SLC61A1: variants seen among roughly 807,000 people sequenced by gnomAD.
SLC61A1 encodes the protein major facilitator superfamily domain containing 5.
At chr12:53,253,597 C>T in the SLC61A1 span, 3 of 1,613,784 alleles carry the variant, frequency 1.9e-6, no homozygotes, top group South Asian at 1.1e-5. Flanking sequence ...TGTTGGGCAC[C>T]ATACAAGCTC....
the SLC61A1 span, chr12:53,253,984 A>G: frequency 6.2e-7 from 1 of 1,614,094 alleles, no homozygotes; most frequent in Non-Finnish European, 8.5e-7. Context: ...GGTTCCGGGT[A>G]CCTCTGCACT....
At chr12:53,252,262 G>A in the SLC61A1 span, 6 of 1,401,702 alleles carry the variant, frequency 4.3e-6, no homozygotes, top group Middle Eastern at 2.6e-4. Flanking sequence ...GCAGACCGGG[G>A]CAGCAGGTGA....
At chr12:53,254,302 C>T in the SLC61A1 span, 2 of 1,332,846 alleles carry the variant, frequency 1.5e-6, no homozygotes, top group South Asian at 1.5e-5. Context: ...CCTGCCATTG[C>T]TTTGTGTTTG....
At chr12:53,251,354 T>A in the SLC61A1 span, 1 of 204,320 alleles carries the variant, frequency 4.9e-6, no homozygotes, top group Non-Finnish European at 1.0e-5. Context: ...TAGGCCATTA[T>A]AAATACTTCG....
chr12:53,252,428 C>T, the SLC61A1 span: 263 of 1,280,892 alleles, frequency 2.1e-4, 2 homozygotes, highest in South Asian at 5.7e-4. Flanking sequence ...GAGGGATGCC[C>T]GGGACAGAGG....
the SLC61A1 span, chr12:53,251,453 G>A: frequency 6.6e-6 from 3 of 453,872 alleles, no homozygotes; most frequent in Non-Finnish European, 7.8e-6. Context: ...TTTTTCCAAG[G>A]TAAAACAGCT....
At chr12:53,254,246 G>C in the SLC61A1 span, 2 of 1,558,826 alleles carry the variant, frequency 1.3e-6, no homozygotes, top group African/African-American at 1.4e-5. Flanking sequence ...ATCCGGGATT[G>C]TACAGATCTC....
the SLC61A1 span, chr12:53,251,212 TG>T: frequency 6.5e-6 from 1 of 153,224 alleles, no homozygotes; most frequent in African/African-American, 2.4e-5. Flanking sequence ...GGGAACCACG[TG>T]GATATCTTGG....
chr12:53,253,953 A>G, the SLC61A1 span: 1 of 1,614,196 alleles, frequency 6.2e-7, no homozygotes, highest in East Asian at 2.2e-5. Context: ...CCTGAGACAG[A>G]GCAGGCTGGT....
chr12:53,253,336 C>G, the SLC61A1 span: 2 of 1,614,268 alleles, frequency 1.2e-6, no homozygotes, highest in Non-Finnish European at 1.7e-6. Flanking sequence ...CTGAGTGGAT[C>G]CCAGCTACCT....
the SLC61A1 span, chr12:53,252,303 T>C: frequency 1.4e-6 from 2 of 1,381,480 alleles, no homozygotes; most frequent in Non-Finnish European, 1.9e-6. Context: ...CAAGTGGATG[T>C]GGCAGGGCTG....
At chr12:53,251,388 A>C in the SLC61A1 span, 1 of 237,358 alleles carries the variant, frequency 4.2e-6, no homozygotes, top group Non-Finnish European at 8.3e-6. Context: ...GTGAGATGGG[A>C]AGTCATTGGA....
chr12:53,251,538 CTTCT>C, the SLC61A1 span: 3 of 592,064 alleles, frequency 5.1e-6, no homozygotes, highest in Non-Finnish European at 2.9e-6. Context: ...GAACTTTAGC[CTTCT>C]TTATTTGGGC....
chr12:53,251,963 A>C, the SLC61A1 span: 1 of 1,524,624 alleles, frequency 6.6e-7, no homozygotes, highest in East Asian at 2.5e-5. Flanking sequence ...AGGCCAGGCC[A>C]GGAGAAGCAA....
chr12:53,252,124 G>T, the SLC61A1 span: 1 of 1,445,578 alleles, frequency 6.9e-7, no homozygotes, highest in Non-Finnish European at 9.0e-7. Context: ...GCGGCGGCCA[G>T]AGGCCTGCCC....
At chr12:53,252,419 AG>A in the SLC61A1 span, 1 of 1,280,718 alleles carries the variant, frequency 7.8e-7, no homozygotes, top group African/African-American at 1.5e-5. Context: ...CGCGGGTGGG[AG>A]GGATGCCCGG....
the SLC61A1 span, chr12:53,252,631 A>T: frequency 2.5e-6 from 3 of 1,206,610 alleles, no homozygotes; most frequent in African/African-American, 4.6e-5. Context: ...TCCCTGCCCC[A>T]CAGTGTCCTA....
the SLC61A1 span, chr12:53,251,845 T>A: frequency 7.2e-6 from 11 of 1,537,208 alleles, no homozygotes; most frequent in Admixed American, 1.6e-4. Context: ...ACTGCGGGCA[T>A]CTTTCCCGAG....
chr12:53,252,703 C>T, the SLC61A1 span: 2 of 1,307,678 alleles, frequency 1.5e-6, no homozygotes, highest in South Asian at 1.5e-5. Flanking sequence ...GGTCTGAGAT[C>T]TTGGGGAGTG....
Sources: allele counts gnomAD v4.1 joint callset, GRCh38; gene constraint gnomAD v4.1.1; transcripts MANE v1.5; gene names NCBI Gene and HGNC (gene_info 2026-07-23, HGNC 2026-07-21).